Variants in MECR observed in about 807,000 individuals in gnomAD.
The protein encoded by MECR is enoyl-[acyl-carrier-protein] reductase, mitochondrial.
In MECR, 37 loss-of-function variants were observed where a neutral mutation model predicts 49.1. That is an observed-to-expected ratio of 0.75 (90% CI 0.58 to 0.99). The LOEUF is 0.99. MECR is among the 50% of genes least tolerant of loss of function. The pLI is 0.00. For synonymous variants in MECR, 198 were observed against 191.1 expected, an observed-to-expected ratio of 1.04 and a Z score of -0.30; for missense variants, 470 against 479.6, an observed-to-expected ratio of 0.98 and a Z score of 0.19.
Position 29,217,390 on chromosome 1 carries a change from T to C in MECR, c.177-705A>G, listed in dbSNP as rs1574455589. On this transcript the variant is annotated intron_variant, in intron 1 of 9. Coordinates refer to ENST00000263702, the MANE Select transcript of MECR (RefSeq NM_016011.5). Reference sequence around the variant, plus strand: ...ACGCCCGGCTAATTTTATTTATTTATTTTTTTAGTAGAGATGGGGTTTCAC... The same window carrying C: ...ACGCCCGGCTAATTTTATTTATTTACTTTTTTAGTAGAGATGGGGTTTCAC... 2.0e-5 allele frequency among the ~76,000 whole-genome samples: 3 copies of C among 151,290 alleles called. No homozygotes were observed. The Middle Eastern group carries it at 0.01, about 518-fold the overall frequency.
At chr1:29,226,647 C>CTA (rs1682137398) in intron 1 of MECR, among the ~76,000 whole-genome samples, 1 of 151,980 alleles carries the variant, frequency 6.6e-6, no homozygotes, top group Admixed American at 6.6e-5. Context: ...AGGCCTATGT[C>CTA]TATATCAAGG....
the MECR span, chr1:29,173,461 T>TC: frequency 8.5e-6 from 1 of 118,064 alleles, no homozygotes; most frequent in Non-Finnish European, 1.7e-5. Flanking sequence ...TTGTTTTTTT[T>TC]TTTTCTTTTT....
intron 1 of MECR, among the ~76,000 whole-genome samples, chr1:29,226,145 G>A (rs962583079): frequency 7.0e-6 from 1 of 143,534 alleles, no homozygotes; most frequent in Non-Finnish European, 1.5e-5. Context: ...CTCCAGCCTG[G>A]GGGACAGAGC....
the MECR span, among the ~76,000 whole-genome samples, chr1:29,181,087 G>T: frequency 1.1e-3 from 172 of 152,272 alleles, 2 homozygotes; most frequent in Middle Eastern, 0.01. Context: ...CGATACTTTC[G>T]AAACTGTCAC....
chr1:29,185,991 C>T, the MECR span, among the ~76,000 whole-genome samples: 1 of 152,076 alleles, frequency 6.6e-6, no homozygotes, highest in Non-Finnish European at 1.5e-5. Flanking sequence ...ATCACATGCA[C>T]ACACACACAC....
chr1:29,209,672 T>C (rs1052957565), intron 3 of MECR, among the ~76,000 whole-genome samples: 2 of 152,060 alleles, frequency 1.3e-5, no homozygotes, highest in Non-Finnish European at 2.9e-5. Context: ...GGCAGGATCT[T>C]GTATGAAGAA....
chr1:29,175,338 G>A, the MECR span, among the ~76,000 whole-genome samples: 1 of 151,166 alleles, frequency 6.6e-6, no homozygotes, highest in East Asian at 2.0e-4. Flanking sequence ...GCTTGTACCT[G>A]GGAGGTGAGC....
downstream of MECR, among the ~76,000 whole-genome samples, chr1:29,187,681 C>A (rs1204836263): frequency 6.6e-6 from 1 of 150,654 alleles, no homozygotes; most frequent in Non-Finnish European, 1.5e-5. Flanking sequence ...CTCACTGCAA[C>A]CTCTGCTTCC....
chr1:29,200,426 C>A, intron 7 of MECR, 90 bp downstream of exon 7: 1 of 1,256,320 alleles, frequency 8.0e-7, no homozygotes, highest in Middle Eastern at 2.6e-4. Context: ...TTGGCTCGAA[C>A]TGGCGATGGG....
chr1:29,202,070 G>T, intron 5 of MECR, 25 bp from the exon 6 acceptor site: 5 of 1,595,796 alleles, frequency 3.1e-6, no homozygotes, highest in Non-Finnish European at 4.3e-6. Flanking sequence ...TAGGTCCCTG[G>T]TCACATCTGC....
intron 3 of MECR, among the ~76,000 whole-genome samples, chr1:29,208,568 G>C (rs1381632108): frequency 6.6e-6 from 1 of 152,190 alleles, no homozygotes; most frequent in Non-Finnish European, 1.5e-5. Context: ...AAGAATTCTA[G>C]AATGTCAGTA....
the MECR span, chr1:29,171,237 T>C: frequency 2.6e-5 from 4 of 151,724 alleles, no homozygotes; most frequent in African/African-American, 9.7e-5. Flanking sequence ...AAAAATACCA[T>C]CTGTCTCACT....
chr1:29,212,450 T>C (rs1678252570), intron 3 of MECR, among the ~76,000 whole-genome samples: 1 of 152,086 alleles, frequency 6.6e-6, no homozygotes, highest in South Asian at 2.1e-4. Flanking sequence ...AGAATCACCT[T>C]TTCTCCAGGG....
chr1:29,183,513 C>T, the MECR span, among the ~76,000 whole-genome samples: 1 of 152,070 alleles, frequency 6.6e-6, no homozygotes, highest in African/African-American at 2.4e-5. Context: ...TCATCAACAC[C>T]GTGTTATCAA....
At chr1:29,188,887 C>T (rs1443274145), downstream of MECR, among the ~76,000 whole-genome samples, 1 of 151,330 alleles carries the variant, frequency 6.6e-6, no homozygotes. Flanking sequence ...ATCTGCCTGC[C>T]TCTGCCTCCC....
chr1:29,181,313 A>C, the MECR span, among the ~76,000 whole-genome samples: 1 of 152,300 alleles, frequency 6.6e-6, no homozygotes, highest in South Asian at 2.1e-4. Flanking sequence ...ATAGGGCCCC[A>C]GTTCCGGGCC....
intron 3 of MECR, among the ~76,000 whole-genome samples, chr1:29,208,246 C>T (rs953329047): frequency 6.6e-6 from 1 of 152,258 alleles, no homozygotes; most frequent in Non-Finnish European, 1.5e-5. Context: ...CCCGCCTCGG[C>T]CTCCCAGAGT....
At chr1:29,206,008 T>A (rs1324968158) in intron 4 of MECR, among the ~76,000 whole-genome samples, 2 of 152,206 alleles carry the variant, frequency 1.3e-5, no homozygotes, top group East Asian at 1.9e-4. Context: ...CTCTGTCATT[T>A]ACTCCCTGGC....
intron 3 of MECR, among the ~76,000 whole-genome samples, chr1:29,212,645 A>C (rs1336168260): frequency 6.6e-6 from 1 of 152,080 alleles, no homozygotes; most frequent in African/African-American, 2.4e-5. Flanking sequence ...ACACTTCATC[A>C]TCTGAAGCCT....
Sources: allele counts gnomAD v4.1 joint callset (sites outside exome capture counted in the v4.1 genomes callset), GRCh38; gene constraint gnomAD v4.1.1; transcripts MANE v1.5; gene names NCBI Gene and HGNC (gene_info 2026-07-23, HGNC 2026-07-21).